IFT88: variants seen among roughly 807,000 people sequenced by gnomAD.
IFT88 encodes the protein intraflagellar transport protein 88 homolog.
A neutral mutation model predicts 119.5 loss-of-function variants in IFT88; 74 were observed. The observed-to-expected ratio is 0.62, with a 90% CI of 0.51 to 0.75. IFT88 has a LOEUF of 0.75. Among genes scored for constraint, IFT88 ranks in the 30% least tolerant of loss-of-function variants. The probability of loss-of-function intolerance (pLI) is 0.00; values close to 1 mark genes in which losing one functional copy is unlikely to be tolerated. For missense variants in IFT88, 961 were observed against 977.7 expected (o/e 0.98, Z 0.23); for synonymous variants, 279 against 316.7 (o/e 0.88, Z 1.26).
Position 20,571,784 on chromosome 13 carries a change from G to C in IFT88, c.-6-2596G>C, listed in dbSNP as rs568163754. Among the ~76,000 whole-genome samples the C allele has an allele frequency of 1.4e-4, 22 of 152,286 alleles. No homozygotes were observed. In the East Asian group the frequency reaches 3.9e-3, roughly 27 times the overall value. On this transcript the variant is annotated intron_variant, in intron 1 of 25. Coordinates refer to ENST00000351808, the MANE Select transcript of IFT88 (RefSeq NM_006531.5). ...CAAGTTCTAATTGGTGGGTAGCTGTGGTGGGCACAATTAGTCCTATATTTG... is the reference window on the plus strand; with the variant it reads ...CAAGTTCTAATTGGTGGGTAGCTGTCGTGGGCACAATTAGTCCTATATTTG...
intron 13 of IFT88, among the ~76,000 whole-genome samples, chr13:20,609,030 T>C (rs2044003736): frequency 6.6e-6 from 1 of 152,202 alleles, no homozygotes; most frequent in African/African-American, 2.4e-5. Flanking sequence ...GTAGGTTGTT[T>C]GGTAGGGAGA....
chr13:20,689,764 A>G (rs1048537573), intron 24 of IFT88, among the ~76,000 whole-genome samples: 1 of 152,228 alleles, frequency 6.6e-6, no homozygotes, highest in African/African-American at 2.4e-5. Flanking sequence ...GAAAAAAAAA[A>G]GTAAAAGAAA....
At chr13:20,612,361 C>G (rs918102224) in intron 13 of IFT88, 3 of 152,070 alleles carry the variant, frequency 2.0e-5, no homozygotes, top group Admixed American at 6.6e-5. Flanking sequence ...AAGAAATACA[C>G]TATACACTAC....
chr13:20,669,107 A>G (rs1400935570), intron 23 of IFT88, among the ~76,000 whole-genome samples: 1 of 152,212 alleles, frequency 6.6e-6, no homozygotes, highest in Non-Finnish European at 1.5e-5. Context: ...GCAGAAAGAC[A>G]AGAAGGAGGC....
intron 1 of IFT88, 50 bp from the exon 2 acceptor site, chr13:20,574,330 A>T: frequency 1.0e-6 from 1 of 987,650 alleles, no homozygotes. Context: ...AAAAATATAT[A>T]TATATATTTC....
chr13:20,676,464 G>A (rs957792689), intron 24 of IFT88, among the ~76,000 whole-genome samples: 2 of 152,188 alleles, frequency 1.3e-5, no homozygotes, highest in African/African-American at 4.8e-5. Context: ...CATGGGCAGG[G>A]CCTGGAATAC....
chr13:20,687,332 G>A (rs1420522059), intron 24 of IFT88, among the ~76,000 whole-genome samples: 1 of 152,128 alleles, frequency 6.6e-6, no homozygotes, highest in African/African-American at 2.4e-5. Context: ...CATTTTGTGG[G>A]GCGAGCCAAA....
chr13:20,667,095 A>G (rs1443473168), intron 23 of IFT88, among the ~76,000 whole-genome samples: 3 of 152,172 alleles, frequency 2.0e-5, no homozygotes, highest in Non-Finnish European at 4.4e-5. Context: ...TTTCCTGCAC[A>G]TCTTAGCGTT....
rs138346189 is a variant in IFT88, at chr13:20,570,547, A to T, written c.-7+3291A>T. 1.9e-3 allele frequency among the ~76,000 whole-genome samples: 295 copies of T among 152,380 alleles called. 2 individuals carry two copies. Among genetic ancestry groups the T allele is most frequent in the African/African-American group, 6.8e-3 (282 of 41,598 alleles). ...AGCCATAAAAAGTAATGAAATATTG[A>T]TACATACTACTGCGTGGATGAACCT... On this transcript the variant is annotated intron_variant, in intron 1 of 25. Coordinates refer to ENST00000351808, the MANE Select transcript of IFT88 (RefSeq NM_006531.5).
chr13:20,663,941 T>TA (rs996766405), intron 23 of IFT88, among the ~76,000 whole-genome samples: 2 of 152,248 alleles, frequency 1.3e-5, no homozygotes, highest in Non-Finnish European at 2.9e-5. Context: ...GAGAGACAGT[T>TA]ACTTCTCTGC....
At chr13:20,670,579 A>G (rs2055636288) in intron 23 of IFT88, among the ~76,000 whole-genome samples, 1 of 121,844 alleles carries the variant, frequency 8.2e-6, no homozygotes, top group East Asian at 2.4e-4. Context: ...ACCATTGTAT[A>G]TGAGGACTAA....
At chr13:20,608,496 T>G (rs1376915029) in intron 13 of IFT88, among the ~76,000 whole-genome samples, 2 of 152,186 alleles carry the variant, frequency 1.3e-5, no homozygotes, top group Non-Finnish European at 2.9e-5. Context: ...CTCAAAACAC[T>G]TGTGTCTGCA....
At chr13:20,687,687 A>G (rs1206574462) in intron 24 of IFT88, among the ~76,000 whole-genome samples, 2 of 152,160 alleles carry the variant, frequency 1.3e-5, no homozygotes, top group Admixed American at 1.3e-4. Flanking sequence ...GAAAACTCCA[A>G]GTATAGCTCT....
At position 20,626,043 on chromosome 13, in the gene IFT88, C is replaced by CTTT. The variant is rs528587128; in HGVS notation, c.1299+227_1299+229dup. Among the ~76,000 whole-genome samples the CTTT allele has an allele frequency of 3.0e-4, 12 of 39,570 alleles. 1 individual carries two copies. The highest frequency in any genetic ancestry group is 4.7e-4 in the African/African-American group (4 of 8,582). The allele number at this position is 39,570 out of a possible 152,430, so 26.0% of individuals were successfully genotyped here. A position where few individuals can be genotyped will look rare whatever the true frequency, so the allele number is the denominator to read the frequency against. On this transcript the variant is annotated intron_variant, in intron 15 of 25. Transcript: ENST00000351808. Reference sequence around the variant, plus strand: ...ATTAATTTTTGCCTGTTTGTCGTTTCTTTTTTTTTTTTTTTTTTTTTTTTT... The same window carrying CTTT: ...ATTAATTTTTGCCTGTTTGTCGTTTCTTTTTTTTTTTTTTTTTTTTTTTTTTTT...
chr13:20,675,650 C>T (rs1356640529), intron 24 of IFT88, among the ~76,000 whole-genome samples: 1 of 152,060 alleles, frequency 6.6e-6, no homozygotes, highest in Non-Finnish European at 1.5e-5. Context: ...TCTCATCTAC[C>T]GAGAATATTC....
chr13:20,586,021 G>T (rs1009794679), intron 3 of IFT88, among the ~76,000 whole-genome samples: 25 of 152,272 alleles, frequency 1.6e-4, no homozygotes, highest in African/African-American at 4.8e-4. Context: ...GTAAATCAGT[G>T]AACTTTGTCT....
At chr13:20,651,839 TACTC>T (rs1594650720) in intron 20 of IFT88, among the ~76,000 whole-genome samples, 2 of 152,222 alleles carry the variant, frequency 1.3e-5, no homozygotes, top group South Asian at 2.1e-4. Flanking sequence ...TCTTGGAACA[TACTC>T]ACCACAGATA....
chr13:20,610,216 C>G (rs974899173), intron 13 of IFT88, among the ~76,000 whole-genome samples: 1 of 152,022 alleles, frequency 6.6e-6, no homozygotes, highest in African/African-American at 2.4e-5. Context: ...ACTGGCCCCC[C>G]ACCCTGCTTG....
intron 24 of IFT88, among the ~76,000 whole-genome samples, chr13:20,674,279 G>A (rs2056332807): frequency 6.6e-6 from 1 of 152,168 alleles, no homozygotes. Flanking sequence ...ATAAACTGAT[G>A]AGGGGAATAA....
Sources: allele counts gnomAD v4.1 joint callset (sites outside exome capture counted in the v4.1 genomes callset), GRCh38; gene constraint gnomAD v4.1.1; transcripts MANE v1.5; gene names NCBI Gene and HGNC (gene_info 2026-07-23, HGNC 2026-07-21).